The following NNT variants were observed in gnomAD, a reference collection of about 807,000 sequenced individuals.
The protein encoded by NNT is NAD(P) transhydrogenase, mitochondrial.
A neutral mutation model predicts 104.8 loss-of-function variants in NNT; 50 were observed. The observed-to-expected ratio is 0.48, with a 90% confidence interval of 0.38 to 0.60. The LOEUF is 0.60. Among genes scored for constraint, NNT ranks in the 20% least tolerant of loss-of-function variants. NNT has a pLI of 0.00. For missense variants in NNT, 1,131 were observed against 1,330.7 expected (o/e 0.85, Z 2.33); for synonymous variants, 461 against 490.4 (o/e 0.94, Z 0.79).
Position 43,644,778 on chromosome 5 carries a change from C to G in NNT, c.1266C>G (p.Val422=), listed in dbSNP as rs1228955389. The G allele has an allele frequency of 5.6e-6, 9 of 1,613,832 alleles. No individual in the cohort carries two copies. The highest frequency in any genetic ancestry group is 6.8e-6 in the Non-Finnish European group (8 of 1,179,788). Residue 422 remains valine, a synonymous_variant, in exon 9 of 22, where the codon GTC becomes GTG. Transcript: ENST00000344920. The stretch of plus-strand genomic sequence containing the variant: ...TTGACTTTGGTACGATGGGTCATGT[C>G]ATTAGAGGAACTGTAGTGATGAAAG... The part of the protein sequence containing the change: ...DDFDFGTMGH[V]IRGTVVMKDG...
At chr5:43,703,360 T>C (rs1156873479) in intron 21 of NNT, among the ~76,000 whole-genome samples, 1 of 152,224 alleles carries the variant, frequency 6.6e-6, no homozygotes, top group Non-Finnish European at 1.5e-5. Context: ...TAACATAATG[T>C]ACATTTCCAT....
chr5:43,704,304 A>G lies in NNT; in HGVS notation c.3161A>G (p.Asn1054Ser). 1 of 1,609,800 alleles carries G rather than the reference A, an allele frequency of 6.2e-7. No homozygotes were observed. The highest frequency in any genetic ancestry group is 8.5e-7 in the Non-Finnish European group (1 of 1,178,154). Residue 1054 changes from asparagine (N) to serine (S), a missense_variant, in exon 22 of 22, where the codon AAT becomes AGT. Coordinates refer to ENST00000344920, the MANE Select transcript of NNT (RefSeq NM_182977.3). ...SLGVGYAAVD[N>S]PIFYKPNTAM... is the part of the protein sequence containing the mutation. ...GGTGTTGGCTATGCTGCAGTGGACA[A>G]TCCAATCTTCTACAAACCTAACACG...
At chr5:43,618,958 C>A (rs980535184) in intron 4 of NNT, 74 bp from the exon 5 acceptor site, 2 of 855,670 alleles carry the variant, frequency 2.3e-6, no homozygotes, top group African/African-American at 3.5e-5. Context: ...TCATTGATGA[C>A]TTATGATGAT....
intron 17 of NNT, among the ~76,000 whole-genome samples, chr5:43,668,954 G>A (rs939165306): frequency 3.9e-5 from 6 of 152,018 alleles, no homozygotes; most frequent in Admixed American, 6.6e-5. Context: ...CTTTTATTTC[G>A]TTGAGCACTG....
At chr5:43,639,064 A>T (rs1400705919) in intron 7 of NNT, among the ~76,000 whole-genome samples, 1 of 152,114 alleles carries the variant, frequency 6.6e-6, no homozygotes, top group Non-Finnish European at 1.5e-5. Context: ...CTCTTTTTGA[A>T]TTTAGTGCTG....
chr5:43,619,146 A>G, intron 5 of NNT, 27 bp downstream of exon 5: 1 of 1,333,670 alleles, frequency 7.5e-7, no homozygotes, highest in African/African-American at 1.5e-5. Flanking sequence ...ATGTTTCTTT[A>G]TAATATGCAT....
chr5:43,656,688 A>G lies in NNT; in HGVS notation c.2329A>G (p.Arg777Gly), dbSNP rs770897522. Residue 777 changes from arginine to glycine, a missense_variant, in exon 16 of 22, where the codon AGG (arginine) becomes GGG (glycine). Arg to Gly is a moderately radical substitution (Grantham distance 125, BLOSUM62 -2). Coordinates refer to ENST00000344920, the MANE Select transcript of NNT (RefSeq NM_182977.3). Reference protein sequence around the residue: ...LKSAPLLLPGRHLLNAGLLAA... With the variant: ...LKSAPLLLPGGHLLNAGLLAA... ...ATCTGCCCCTCTCCTACTGCCTGGA[A>G]GGCACTTACTCAATGCAGGCTTACT... 3 of 1,613,892 alleles carry G rather than the reference A, an allele frequency of 1.9e-6. No individual in the cohort carries two copies. The highest frequency in any genetic ancestry group is 2.5e-6 in the Non-Finnish European group (3 of 1,179,944).
chr5:43,638,983 A>G (rs1234757957), intron 7 of NNT, among the ~76,000 whole-genome samples: 1 of 152,148 alleles, frequency 6.6e-6, no homozygotes, highest in Admixed American at 6.6e-5. Context: ...TGATTCATTC[A>G]AAAAGATACA....
intron 17 of NNT, among the ~76,000 whole-genome samples, chr5:43,672,048 T>G (rs1468036839): frequency 6.6e-6 from 1 of 152,256 alleles, no homozygotes; most frequent in African/African-American, 2.4e-5. Context: ...CTTCAATCAC[T>G]GATACCCTTT....
intron 17 of NNT, among the ~76,000 whole-genome samples, chr5:43,665,887 G>C (rs1740630963): frequency 2.0e-5 from 3 of 151,580 alleles, no homozygotes; most frequent in Non-Finnish European, 4.4e-5. Context: ...GCGGCTGCCG[G>C]GCGGAGATGC....
At chr5:43,674,094 A>T (rs760783720) in intron 17 of NNT, among the ~76,000 whole-genome samples, 1 of 152,002 alleles carries the variant, frequency 6.6e-6, no homozygotes, top group Non-Finnish European at 1.5e-5. Flanking sequence ...AAGACATTTC[A>T]GGTTTTATTT....
At chr5:43,669,089 A>C (rs1197421751) in intron 17 of NNT, among the ~76,000 whole-genome samples, 1 of 152,010 alleles carries the variant, frequency 6.6e-6, no homozygotes, top group South Asian at 2.1e-4. Flanking sequence ...TTTGTCTGTT[A>C]TTGGTGTATA....
At chr5:43,611,125 C>T (rs574832769) in intron 2 of NNT, among the ~76,000 whole-genome samples, 2 of 119,154 alleles carry the variant, frequency 1.7e-5, no homozygotes, top group East Asian at 5.9e-4. Context: ...TTTTTCTTTA[C>T]AGTTGGCTTG....
chr5:43,701,656 G>A (rs536331280), intron 20 of NNT, among the ~76,000 whole-genome samples: 36 of 152,276 alleles, frequency 2.4e-4, no homozygotes, highest in South Asian at 6.2e-4. Context: ...TCTCCAAATT[G>A]CTTTCCACAC....
At chr5:43,656,908 C>A (rs1740085100) in intron 16 of NNT, 95 bp downstream of exon 16, 2 of 1,176,014 alleles carry the variant, frequency 1.7e-6, no homozygotes, top group Non-Finnish European at 2.4e-6. Flanking sequence ...TCTTCAAGAA[C>A]CTTGATGGAA....
At chr5:43,669,709 C>T (rs898203031) in intron 17 of NNT, among the ~76,000 whole-genome samples, 21 of 152,078 alleles carry the variant, frequency 1.4e-4, no homozygotes, top group Admixed American at 6.6e-5. Flanking sequence ...ATTTTTGCAT[C>T]GATGTTCATC....
chr5:43,704,643 T>C lies in NNT; in HGVS notation c.*239T>C. The C allele has an allele frequency of 2.5e-6, 1 of 398,650 alleles. No individual in the cohort carries two copies. The allele number at this position is 398,650 out of a possible 1,614,324, so 24.7% of individuals were successfully genotyped here. ...CTGTGCATATTTTTTGTGTTAGGAA[T>C]CAAAAGTATTTTATAAAAGGAGAAA... is the stretch of plus-strand genomic sequence containing the variant. On this transcript the variant is annotated 3_prime_UTR_variant, in exon 22 of 22. Transcript: ENST00000344920.
At chr5:43,668,924 C>G (rs1369187152) in intron 17 of NNT, among the ~76,000 whole-genome samples, 1 of 152,170 alleles carries the variant, frequency 6.6e-6, no homozygotes, top group Non-Finnish European at 1.5e-5. Flanking sequence ...ATGGAATGTT[C>G]TTCCATTTGT....
intron 17 of NNT, among the ~76,000 whole-genome samples, chr5:43,671,239 T>C (rs1029407214): frequency 6.6e-6 from 1 of 152,208 alleles, no homozygotes; most frequent in Non-Finnish European, 1.5e-5. Context: ...CTTTATCCAA[T>C]TTGCCAGTCT....
Sources: allele counts gnomAD v4.1 joint callset (sites outside exome capture counted in the v4.1 genomes callset), GRCh38; gene constraint gnomAD v4.1.1; transcripts MANE v1.5; gene names NCBI Gene and HGNC (gene_info 2026-07-23, HGNC 2026-07-21).